The following RBM25 variants were observed in gnomAD, a reference collection of about 807,000 sequenced individuals.
RBM25 encodes RNA-binding protein 25.
RBM25 carries 19 observed loss-of-function variants against 120.7 expected under a neutral mutation model. That is an observed-to-expected ratio of 0.16 (90% CI 0.11 to 0.23). RBM25 has a LOEUF of 0.23. RBM25 is among the 10% of genes least tolerant of loss of function. The pLI, the probability that RBM25 is intolerant of heterozygous loss-of-function variation, is 1.00. For missense variants in RBM25, 605 were observed against 1,041.5 expected (o/e 0.58, Z 5.77); for synonymous variants, 390 against 326.7 (o/e 1.19, Z -2.09).
At chr14:73,084,224 A>T (rs897092408) in intron 5 of RBM25, among the ~76,000 whole-genome samples, 2 of 152,114 alleles carry the variant, frequency 1.3e-5, no homozygotes, top group Non-Finnish European at 2.9e-5. Flanking sequence ...TAAATAGTTG[A>T]TTTGATTCAG....
chr14:73,103,948 T>TCACACACACACACACACA (rs368961634), intron 10 of RBM25, among the ~76,000 whole-genome samples: 1 of 91,348 alleles, frequency 1.1e-5, no homozygotes, highest in African/African-American at 3.6e-5. Flanking sequence ...TCTCTCTCTC[T>TCACACACACACACACACA]CACACACACA....
rs190672385 is a variant in RBM25 at position 73,073,922 on chromosome 14, G to A, written c.106+2175G>A. ...ATTACTGATTTTAAGTAGTAACTTA[G>A]TTGTTTTATAATGGACCATAAATAG... On this transcript the variant is annotated intron_variant, in intron 2 of 18. Coordinates refer to ENST00000261973, the MANE Select transcript of RBM25 (RefSeq NM_021239.3). Among the ~76,000 whole-genome samples the A allele has an allele frequency of 2.6e-5, 4 of 152,240 alleles. No individual in the cohort carries two copies. The East Asian group carries it at 7.7e-4, about 29-fold the overall frequency.
intron 1 of RBM25, among the ~76,000 whole-genome samples, chr14:73,066,956 A>C (rs753060965): frequency 2.6e-5 from 4 of 152,130 alleles, no homozygotes; most frequent in Non-Finnish European, 4.4e-5. Context: ...GATCTATTCT[A>C]CCAATGATGA....
rs1194111209 is a variant in RBM25 at position 73,099,761 on chromosome 14, T to TG, written c.867+12dup. On this transcript the variant is annotated intron_variant, in intron 9 of 18. Transcript: ENST00000261973. ...AGAGACACACATAAGGTAGTATTCT[T>TG]GTCTTTTCACTTGATACCAATCTAG... 1 of 1,595,606 alleles carries TG rather than the reference T, an allele frequency of 6.3e-7. No individual in the cohort carries two copies. The highest frequency in any genetic ancestry group is 2.3e-5 in the East Asian group (1 of 44,328).
Position 73,121,485 on chromosome 14 carries a change from C to CTACT in RBM25, c.*1681_*1684dup, listed in dbSNP as rs1896540098. ...GCCATTTACATTATTTTGGATGAAT[C>CTACT]TACTATACATCTATGGAAATGTCTC... On this transcript the variant is annotated 3_prime_UTR_variant, in exon 19 of 19. Transcript: ENST00000261973. 1 of 152,478 alleles carries CTACT rather than the reference C, an allele frequency of 6.6e-6. No homozygotes were observed. The highest frequency in any genetic ancestry group is 1.5e-5 in the Non-Finnish European group (1 of 68,008). The allele number at this position is 152,478 out of a possible 1,614,324, so 9.4% of individuals were successfully genotyped here.
chr14:73,118,518 G>A (rs1318592994), intron 18 of RBM25, among the ~76,000 whole-genome samples: 4 of 151,864 alleles, frequency 2.6e-5, no homozygotes, highest in Admixed American at 1.3e-4. Flanking sequence ...TGTTTTTGGA[G>A]ATAAATGAAA....
At position 73,071,765 on chromosome 14, in the gene RBM25, GT is replaced by G. The variant is rs750947330; in HGVS notation, c.106+24del. On this transcript the variant is annotated intron_variant, in intron 2 of 18. Coordinates refer to ENST00000261973, the MANE Select transcript of RBM25 (RefSeq NM_021239.3). ...ACCTCCAGGTAAGTTTGTTGATACT[GT>G]TTTTTGTCGTTAAACTTGTACTTTT... is the stretch of plus-strand genomic sequence containing the variant. 7.1e-6 allele frequency: 11 copies of G among 1,557,242 alleles called. No homozygotes were observed. Among genetic ancestry groups the G allele is most frequent in the Non-Finnish European group, 8.9e-6 (10 of 1,129,162 alleles).
At chr14:73,097,282 C>T (rs1895968657) in intron 7 of RBM25, among the ~76,000 whole-genome samples, 182 bp downstream of exon 7, 2 of 133,372 alleles carry the variant, frequency 1.5e-5, no homozygotes, top group South Asian at 5.0e-4. Context: ...TTCACTGTAA[C>T]CTCCGCCTCC....
chr14:73,101,471 C>G, intron 9 of RBM25: 1 of 71,938 alleles, frequency 1.4e-5, no homozygotes, highest in East Asian at 4.9e-4. Context: ...TAAAAATATA[C>G]ATGTATGTTT....
intron 2 of RBM25, among the ~76,000 whole-genome samples, 182 bp downstream of exon 2, chr14:73,071,929 C>G (rs1895303447): frequency 6.6e-6 from 1 of 151,664 alleles, no homozygotes; most frequent in African/African-American, 2.4e-5. Flanking sequence ...GTATCAAACT[C>G]ATCTGGAAAT....
intron 4 of RBM25, 75 bp from the exon 5 acceptor site, chr14:73,083,419 T>C (rs1387885441): frequency 5.8e-5 from 68 of 1,176,934 alleles, no homozygotes; most frequent in Non-Finnish European, 5.0e-5. Flanking sequence ...AGTAGAAATA[T>C]AATTTTGCTT....
chr14:73,103,795 C>G (rs1439640968), intron 10 of RBM25, among the ~76,000 whole-genome samples: 1 of 151,986 alleles, frequency 6.6e-6, no homozygotes, highest in Non-Finnish European at 1.5e-5. Context: ...CTCAAGTGAT[C>G]CGCCTGCCTC....
intron 6 of RBM25, among the ~76,000 whole-genome samples, chr14:73,088,732 T>A (rs183092762): frequency 2.6e-5 from 4 of 152,246 alleles, no homozygotes; most frequent in Non-Finnish European, 4.4e-5. Flanking sequence ...CTTAGTTCCT[T>A]TTTGGCATCT....
At chr14:73,097,579 C>T (rs1034585703) in intron 7 of RBM25, among the ~76,000 whole-genome samples, 1 of 152,280 alleles carries the variant, frequency 6.6e-6, no homozygotes, top group African/African-American at 2.4e-5. Context: ...AGGTTATCCT[C>T]CTGCCTCCGC....
intron 6 of RBM25, among the ~76,000 whole-genome samples, chr14:73,092,266 G>A (rs1231690772): frequency 6.6e-6 from 1 of 150,542 alleles, no homozygotes; most frequent in African/African-American, 2.4e-5. Context: ...GGGAGCAGGG[G>A]GAGGGGAGAA....
At chr14:73,077,311 T>G (rs1895447021) in intron 3 of RBM25, 58 bp from the exon 4 acceptor site, 2 of 1,439,706 alleles carry the variant, frequency 1.4e-6, no homozygotes, top group Non-Finnish European at 1.9e-6. Flanking sequence ...AGCCTAATGT[T>G]AATTGTGGTA....
chr14:73,114,327 T>C lies in RBM25; in HGVS notation c.2433T>C (p.Val811=). ...HSSPQSILDD[V]AMVLDEEAEV... is the part of the protein sequence containing the mutation. Reference sequence around the variant, plus strand: ...CACCCCAGAGCATTTTAGATGATGTTGCCATGGTAAGTTAGAAATTCACTA... The same window carrying C: ...CACCCCAGAGCATTTTAGATGATGTCGCCATGGTAAGTTAGAAATTCACTA... Residue 811 remains valine, a synonymous_variant, in exon 18 of 19, where the codon GTT becomes GTC. Coordinates refer to ENST00000261973, the MANE Select transcript of RBM25 (RefSeq NM_021239.3). 1 of 1,567,928 alleles carries C rather than the reference T, an allele frequency of 6.4e-7. No individual in the cohort carries two copies.
chr14:73,083,460 G>T (rs1895611318), intron 4 of RBM25, 34 bp from the exon 5 acceptor site: 3 of 1,487,632 alleles, frequency 2.0e-6, no homozygotes, highest in African/African-American at 1.4e-5. Flanking sequence ...TTTGTTAAAT[G>T]GTAGCAATCT....
At chr14:73,066,646 C>CAA (rs139152316) in intron 1 of RBM25, among the ~76,000 whole-genome samples, 1 of 121,488 alleles carries the variant, frequency 8.2e-6, no homozygotes, top group Non-Finnish European at 1.7e-5. Context: ...GACTCCATCT[C>CAA]AAAAAAAAAA....
Sources: gnomAD v4.1 joint callset for allele counts (sites outside exome capture counted in the v4.1 genomes callset) on GRCh38, gnomAD v4.1.1 for gene constraint, MANE v1.5 for transcripts, NCBI Gene and HGNC (gene_info 2026-07-23, HGNC 2026-07-21) for gene names.